The following KCND2 variants were observed in gnomAD, a reference collection of about 807,000 sequenced individuals.
KCND2 encodes the protein A-type voltage-gated potassium channel KCND2.
Under a neutral mutation model 54.4 loss-of-function variants are expected in KCND2, and 16 were observed. That is an observed-to-expected ratio of 0.29 (90% CI 0.20 to 0.45). KCND2 has a LOEUF of 0.45. Ranked by LOEUF, KCND2 falls within the 20% of genes least tolerant of loss-of-function variation. The pLI, the probability that KCND2 is intolerant of heterozygous loss-of-function variation, is 1.00. For missense variants in KCND2, 486 were observed against 824.2 expected (o/e 0.59, Z 5.02); for synonymous variants, 317 against 310.7 (o/e 1.02, Z -0.21).
At chr7:120,347,680 C>G (rs1294858683) in intron 1 of KCND2, among the ~76,000 whole-genome samples, 1 of 151,624 alleles carries the variant, frequency 6.6e-6, no homozygotes, top group Non-Finnish European at 1.5e-5. Flanking sequence ...TTGGTTGAAC[C>G]CAGGAGGCAG....
chr7:120,491,750 A>G (rs2116301143), intron 1 of KCND2, among the ~76,000 whole-genome samples: 1 of 152,024 alleles, frequency 6.6e-6, no homozygotes, highest in East Asian at 1.9e-4. Flanking sequence ...CACATTTCCT[A>G]TATTTAAAAT....
At chr7:120,661,162 T>C (rs1040366669) in intron 1 of KCND2, among the ~76,000 whole-genome samples, 3 of 151,832 alleles carry the variant, frequency 2.0e-5, no homozygotes, top group African/African-American at 7.3e-5. Context: ...ACTCTCCTAA[T>C]CACCCAAATG....
At chr7:120,691,386 A>C (rs1352219581) in intron 1 of KCND2, among the ~76,000 whole-genome samples, 4 of 152,188 alleles carry the variant, frequency 2.6e-5, no homozygotes, top group African/African-American at 9.6e-5. Flanking sequence ...GGTGTTGCCA[A>C]AGGAAATGTA....
intron 1 of KCND2, among the ~76,000 whole-genome samples, chr7:120,348,001 G>C (rs1007109377): frequency 6.6e-6 from 1 of 152,054 alleles, no homozygotes; most frequent in African/African-American, 2.4e-5. Context: ...TCTCTTTCAG[G>C]AAGGCGCTAA....
intron 1 of KCND2, among the ~76,000 whole-genome samples, chr7:120,501,660 ATAGGTTCCT>A (rs1197334191): frequency 1.3e-5 from 2 of 152,112 alleles, no homozygotes; most frequent in Non-Finnish European, 2.9e-5. Flanking sequence ...ATGTCCTTTG[ATAGGTTCCT>A]TGCCTGGGAA....
At position 120,365,734 on chromosome 7, in the gene KCND2, A is replaced by G. The variant is rs114087502; in HGVS notation, c.1115+89987A>G. ...AGGAAAGAAGGAAACTGAAAGATGC[A>G]CCTACAGGAAAAGATAAATGAGATT... On this transcript the variant is annotated intron_variant, in intron 1 of 5. Coordinates refer to ENST00000331113, the MANE Select transcript of KCND2 (RefSeq NM_012281.3). 8.4e-3 allele frequency among the ~76,000 whole-genome samples: 1,275 copies of G among 152,238 alleles called. 17 individuals carry two copies. Among genetic ancestry groups the G allele is most frequent in the African/African-American group, 0.028 (1,179 of 41,558 alleles).
At chr7:120,667,884 C>T (rs1369127995) in intron 1 of KCND2, among the ~76,000 whole-genome samples, 1 of 151,916 alleles carries the variant, frequency 6.6e-6, no homozygotes, top group Non-Finnish European at 1.5e-5. Flanking sequence ...AAATATTCTT[C>T]TCAGGTGTGA....
chr7:120,600,526 T>C (rs1792801062), intron 1 of KCND2, among the ~76,000 whole-genome samples: 2 of 152,036 alleles, frequency 1.3e-5, no homozygotes, highest in Non-Finnish European at 2.9e-5. Flanking sequence ...TTAAACTTCA[T>C]TAACTTTTAA....
At chr7:120,596,823 A>G (rs1792751780) in intron 1 of KCND2, among the ~76,000 whole-genome samples, 1 of 152,226 alleles carries the variant, frequency 6.6e-6, no homozygotes, top group South Asian at 2.1e-4. Context: ...GAAAAATAAA[A>G]CAAGTGCACA....
chr7:120,698,974 T>C (rs1792366283), intron 1 of KCND2, among the ~76,000 whole-genome samples: 1 of 152,162 alleles, frequency 6.6e-6, no homozygotes, highest in Non-Finnish European at 1.5e-5. Flanking sequence ...GATTAAAGTC[T>C]AGCACATGAA....
At chr7:120,482,025 C>A (rs1268135010) in intron 1 of KCND2, among the ~76,000 whole-genome samples, 4 of 152,144 alleles carry the variant, frequency 2.6e-5, no homozygotes, top group African/African-American at 9.7e-5. Context: ...CCTATGAGAG[C>A]TGCTGGATAG....
intron 1 of KCND2, among the ~76,000 whole-genome samples, chr7:120,732,140 A>T (rs992353365): frequency 6.6e-6 from 1 of 152,166 alleles, no homozygotes; most frequent in Non-Finnish European, 1.5e-5. Context: ...ACAAAGTCAC[A>T]TAGGAAGTGG....
intron 1 of KCND2, among the ~76,000 whole-genome samples, chr7:120,419,329 G>A (rs1367356813): frequency 6.6e-6 from 1 of 151,996 alleles, no homozygotes; most frequent in Non-Finnish European, 1.5e-5. Flanking sequence ...ATTTCCCATT[G>A]CTTTTGCATT....
intron 1 of KCND2, among the ~76,000 whole-genome samples, chr7:120,662,939 C>T (rs535557094): frequency 1.3e-5 from 2 of 152,262 alleles, no homozygotes; most frequent in South Asian, 4.1e-4. Flanking sequence ...ACAGAAGCCT[C>T]ACCCTTGTAT....
intron 1 of KCND2, among the ~76,000 whole-genome samples, chr7:120,656,107 A>C (rs1791800480): frequency 6.6e-6 from 1 of 152,000 alleles, no homozygotes; most frequent in Non-Finnish European, 1.5e-5. Context: ...TATTCTATCA[A>C]CTCTTTATTG....
chr7:120,629,181 G>C (rs1310583874), intron 1 of KCND2, among the ~76,000 whole-genome samples: 1 of 152,166 alleles, frequency 6.6e-6, no homozygotes, highest in African/African-American at 2.4e-5. Context: ...AAACTGCTCA[G>C]CGTATATGAG....
At chr7:120,670,134 G>T (rs542397513) in intron 1 of KCND2, among the ~76,000 whole-genome samples, 1 of 152,030 alleles carries the variant, frequency 6.6e-6, no homozygotes, top group East Asian at 1.9e-4. Context: ...AAAACCACCT[G>T]TATACCAAAA....
At chr7:120,710,561 C>T (rs1404051804) in intron 1 of KCND2, among the ~76,000 whole-genome samples, 2 of 151,982 alleles carry the variant, frequency 1.3e-5, no homozygotes, top group Non-Finnish European at 2.9e-5. Flanking sequence ...CCATTTTTTC[C>T]CCAGTTTCTC....
At chr7:120,677,556 GATAT>G (rs1303716133) in intron 1 of KCND2, among the ~76,000 whole-genome samples, 2,089 of 107,514 alleles carry the variant, frequency 0.019, 47 homozygotes, top group African/African-American at 0.089. Context: ...TAGATATATA[GATAT>G]ATAGATATAT....
Sources: gnomAD v4.1 joint callset for allele counts (sites outside exome capture counted in the v4.1 genomes callset) on GRCh38, gnomAD v4.1.1 for gene constraint, MANE v1.5 for transcripts, NCBI Gene and HGNC (gene_info 2026-07-23, HGNC 2026-07-21) for gene names.